CPLANE1: variants seen among roughly 807,000 people sequenced by gnomAD.
CPLANE1 encodes the protein ciliogenesis and planar polarity effector complex subunit 1, also known as ciliogenesis and planar polarity effector 1.
In CPLANE1, 263 loss-of-function variants were observed where a neutral mutation model predicts 362.5. That is an observed-to-expected ratio of 0.73 (90% confidence interval 0.66 to 0.80). The LOEUF is 0.80. Among genes scored for constraint, CPLANE1 ranks in the 30% least tolerant of loss-of-function variants. The probability of loss-of-function intolerance (pLI) is 0.00; values close to 1 mark genes in which losing one functional copy is unlikely to be tolerated. For synonymous variants in CPLANE1, 1,212 were observed against 1,302.6 expected (o/e 0.93, Z 1.50); for missense variants, 3,461 against 3,793.4 (o/e 0.91, Z 2.30).
chr5:37,183,128 T>C lies in CPLANE1; in HGVS notation c.5053A>G (p.Ile1685Val), dbSNP rs756287700. The C allele has an allele frequency of 1.9e-6, 3 of 1,613,034 alleles. No individual in the cohort carries two copies. Among genetic ancestry groups the C allele is most frequent in the South Asian group, 1.1e-5 (1 of 91,008 alleles). Residue 1685 changes from isoleucine to valine, a missense_variant, in exon 26 of 53, where the codon ATT (isoleucine) becomes GTT (valine). Ile to Val is a conservative substitution (Grantham distance 29). Transcript: ENST00000651892. ...SGLFGLKQRS[I>V]YKIQDDTREK... ...CTAGTGTCATCTTGTATTTTGTAAA[T>C]TGACCTTTGTTTTAAACCAAATAAT... is the stretch of plus-strand genomic sequence containing the variant.
chr5:37,214,933 T>C (rs1793618452), intron 15 of CPLANE1, among the ~76,000 whole-genome samples: 1 of 152,260 alleles, frequency 6.6e-6, no homozygotes, highest in Admixed American at 6.5e-5. Flanking sequence ...TACCATGGAT[T>C]GAGGTCTGCA....
In CPLANE1 at chr5:37,209,833, G is replaced by C; in HGVS notation, c.2921-3408C>G. 7 of 1,351,250 alleles carry C rather than the reference G, an allele frequency of 5.2e-6. No individual in the cohort carries two copies. The highest frequency in any genetic ancestry group is 7.4e-6 in the Non-Finnish European group (7 of 942,808). The allele number at this position is 1,351,250 out of a possible 1,614,324, so 83.7% of individuals were successfully genotyped here. ...GAATATCATCAAGCTAAAGAAAGTT[G>C]TAATATGGAAACTCAGACAAGTTCG... On this transcript the variant is annotated intron_variant, in intron 16 of 52. Transcript: ENST00000651892. This position sits in a 1 kb window ranked among gnomAD's most constrained non-coding sequence, Gnocchi z 4.6.
At chr5:37,085,884 T>G in the CPLANE1 span, 1 of 923,606 alleles carries the variant, frequency 1.1e-6, no homozygotes, top group Non-Finnish European at 1.7e-6. Flanking sequence ...TAAATCTTTG[T>G]ACATAATTAA....
At chr5:37,183,799 T>C in intron 25 of CPLANE1, 100 bp from the exon 26 acceptor site, 2 of 811,406 alleles carry the variant, frequency 2.5e-6, no homozygotes, top group African/African-American at 1.7e-5. Flanking sequence ...GATTAAGTCA[T>C]GTATATTTTG....
chr5:37,229,325 G>A lies in CPLANE1; in HGVS notation c.1122-1508C>T, dbSNP rs186815545. The stretch of plus-strand genomic sequence containing the variant: ...TCCTAGCACTTTGGGAAGCCGAGGC[G>A]GGAGGATCACAAGGTCAGTTTGAGA... On this transcript the variant is annotated intron_variant, in intron 9 of 52. Coordinates refer to ENST00000651892, the MANE Select transcript of CPLANE1 (RefSeq NM_001384732.1). Among the ~76,000 whole-genome samples, 1,474 of 151,860 alleles carry A rather than the reference G, an allele frequency of 9.7e-3. 73 individuals carry two copies. Among genetic ancestry groups the A allele is most frequent in the Admixed American group, 0.083 (1,260 of 15,240 alleles).
At chr5:37,175,605 A>AC (rs1780950215) in intron 31 of CPLANE1, among the ~76,000 whole-genome samples, 1 of 152,218 alleles carries the variant, frequency 6.6e-6, no homozygotes. Context: ...GAAATCAGTT[A>AC]GAAGCTGAAA....
In CPLANE1 at chr5:37,170,130, C is replaced by T. The variant is rs1241858107; in HGVS notation, c.6373G>A (p.Gly2125Arg). 3.1e-6 allele frequency: 5 copies of T among 1,614,126 alleles called. No homozygotes were observed. Among genetic ancestry groups the T allele is most frequent in the South Asian group, 2.2e-5 (2 of 91,064 alleles). The change falls in exon 33 of 53, where the codon GGA becomes AGA. Residue 2125 changes from glycine to arginine, a missense_variant. Around this residue, in one of 2 missense-constraint regions of CPLANE1, gnomAD observed 3,380 missense variants for 3,666.1 expected, o/e 0.92. Transcript: ENST00000651892. ...ERFFIKPQSMGENAREPRKNS... is the reference protein window; with the variant it reads ...ERFFIKPQSMRENAREPRKNS... ...TTGCGAGGCTCTCTGGCGTTCTCTC[C>T]CATTGACTGTGGTTTAATAAAAAAT...
intron 16 of CPLANE1, chr5:37,212,152 A>G: frequency 9.1e-7 from 1 of 1,094,826 alleles, no homozygotes; most frequent in South Asian, 1.2e-5. Flanking sequence ...CTGAAGATTG[A>G]AATGGAAAAT....
At position 37,106,861 on chromosome 5, in the gene CPLANE1, T is replaced by G. The variant is rs1272986892; in HGVS notation, c.*741A>C. The G allele has an allele frequency of 4.1e-6, 4 of 984,580 alleles. No individual in the cohort carries two copies. The highest frequency in any genetic ancestry group is 9.4e-5 in the South Asian group (2 of 21,272). 61.0% of individuals were successfully genotyped at this position (984,580 alleles called of 1,614,324 possible). A position where few individuals can be genotyped will look rare whatever the true frequency, so the allele number is the denominator to read the frequency against. On this transcript the variant is annotated 3_prime_UTR_variant, in exon 53 of 53. Transcript: ENST00000651892. ...GTTCTTAGTCAATTCTCATAAAAATTATCTCTTAAAACTATGACATTATTG... is the reference window on the plus strand; with the variant it reads ...GTTCTTAGTCAATTCTCATAAAAATGATCTCTTAAAACTATGACATTATTG...
At position 37,222,703 on chromosome 5, in the gene CPLANE1, G is replaced by A. The variant is rs186105048; in HGVS notation, c.2582-1215C>T. 6.8e-4 allele frequency among the ~76,000 whole-genome samples: 103 copies of A among 151,656 alleles called. No individual in the cohort carries two copies. In the Middle Eastern group the frequency reaches 0.01, roughly 15 times the overall value. On this transcript the variant is annotated intron_variant, in intron 14 of 52. Transcript: ENST00000651892. ...TGAATGCTGCTCTTTTCATCCAGATGGACAATCCCCAAGTCAGAGAACTAC... is the reference window on the plus strand; with the variant it reads ...TGAATGCTGCTCTTTTCATCCAGATAGACAATCCCCAAGTCAGAGAACTAC...
chr5:37,118,942 G>T (rs1479998594), intron 50 of CPLANE1, among the ~76,000 whole-genome samples: 2 of 152,028 alleles, frequency 1.3e-5, no homozygotes, highest in African/African-American at 4.8e-5. Context: ...TCAATCTCTT[G>T]ACCTTGTGAT....
intron 37 of CPLANE1, among the ~76,000 whole-genome samples, chr5:37,163,701 A>C (rs1777484603): frequency 6.6e-6 from 1 of 152,156 alleles, no homozygotes; most frequent in South Asian, 2.1e-4. Context: ...CCTTTTGATC[A>C]TACCTAAGTT....
Position 37,126,008 on chromosome 5 carries a change from C to T in CPLANE1, c.8793-599G>A, listed in dbSNP as rs61062002. ...ATCCCAGAACTCTGGGAGGCCAAGGCAGGCAGACTGCTTTAGCCCAGGAGT... is the reference window on the plus strand; with the variant it reads ...ATCCCAGAACTCTGGGAGGCCAAGGTAGGCAGACTGCTTTAGCCCAGGAGT... On this transcript the variant is annotated intron_variant, in intron 46 of 52. Coordinates refer to ENST00000651892, the MANE Select transcript of CPLANE1 (RefSeq NM_001384732.1). 7.3e-3 allele frequency among the ~76,000 whole-genome samples: 1,110 copies of T among 152,218 alleles called. 17 individuals are homozygous for T. The highest frequency in any genetic ancestry group is 0.025 in the African/African-American group (1,045 of 41,550).
chr5:37,161,238 TC>T (rs1372008056), intron 38 of CPLANE1, among the ~76,000 whole-genome samples: 1 of 152,176 alleles, frequency 6.6e-6, no homozygotes. Context: ...GTAATGCAAA[TC>T]TAATCCACTC....
At position 37,244,460 on chromosome 5, in the gene CPLANE1, G is replaced by A. The variant is rs767914507; in HGVS notation, c.485C>T (p.Ser162Phe). 2.1e-5 allele frequency: 32 copies of A among 1,551,200 alleles called. No homozygotes were observed. The highest frequency in any genetic ancestry group is 2.8e-5 in the Non-Finnish European group (32 of 1,146,884). Residue 162 changes from serine to phenylalanine, a missense_variant, in exon 5 of 53, where the codon TCC (serine) becomes TTC (phenylalanine). By Grantham distance (155) the Ser-to-Phe change is radical. Transcript: ENST00000651892. ...AACTGCTTCTTCAGGTATGACCTGG[G>A]ACCACCGACCCGCCAATGAAAGGCT... ...SKSLSLAGRWSQVIPEEAVLL... is the reference protein window; with the variant it reads ...SKSLSLAGRWFQVIPEEAVLL...
Position 37,187,578 on chromosome 5 carries a change from A to T in CPLANE1, c.3922-6T>A. ...TCAAACTCCACTTCAAGGTCCTAAA[A>T]GGATATTGAAAAACATTCATTTCCT... is the stretch of plus-strand genomic sequence containing the variant. On this transcript the variant is annotated splice_polypyrimidine_tract_variant and splice_region_variant and intron_variant, in intron 22 of 52. Transcript: ENST00000651892. 6.3e-7 allele frequency: 1 copy of T among 1,599,612 alleles called. No individual in the cohort carries two copies. The highest frequency in any genetic ancestry group is 8.5e-7 in the Non-Finnish European group (1 of 1,174,688).
rs181838238 is a variant in CPLANE1 at position 37,209,339 on chromosome 5, G to A, written c.2921-2914C>T. 1 of 906,594 alleles carries A rather than the reference G, an allele frequency of 1.1e-6. No homozygotes were observed. The highest frequency in any genetic ancestry group is 1.3e-5 in the South Asian group (1 of 77,164). 56.2% of individuals were successfully genotyped at this position (906,594 alleles called of 1,614,324 possible). A position where few individuals can be genotyped will look rare whatever the true frequency, so the allele number is the denominator to read the frequency against. On this transcript the variant is annotated intron_variant, in intron 16 of 52. Coordinates refer to ENST00000651892, the MANE Select transcript of CPLANE1 (RefSeq NM_001384732.1). The surrounding 1 kb of genome is among the most constrained non-coding windows in gnomAD (Gnocchi z 4.6). ...CGGGCCACGGCGGGGCGAGCGAGGC[G>A]GGCTCCGGAGGAAGCTGACGGCTGA...
chr5:37,083,813 T>C, the CPLANE1 span, among the ~76,000 whole-genome samples: 1 of 152,202 alleles, frequency 6.6e-6, no homozygotes, highest in Admixed American at 6.5e-5. Flanking sequence ...ATAATCAGCA[T>C]TCCTGAGGAA....
chr5:37,107,903 C>G (rs1053933907), intron 52 of CPLANE1, 125 bp from the exon 53 acceptor site: 4 of 1,412,758 alleles, frequency 2.8e-6, no homozygotes, highest in Non-Finnish European at 3.7e-6. Flanking sequence ...CATCAAAAGG[C>G]TGAAGGAAAT....
Sources: allele counts gnomAD v4.1 joint callset (sites outside exome capture counted in the v4.1 genomes callset), GRCh38; gene constraint gnomAD v4.1.1; regional missense constraint gnomAD v4.1.1; non-coding constraint Gnocchi (gnomAD v3.1); transcripts MANE v1.5; gene names NCBI Gene and HGNC (gene_info 2026-07-23, HGNC 2026-07-21).